The following PLS3 variants were observed in gnomAD, a reference collection of about 807,000 sequenced individuals.
PLS3 encodes plastin-3.
A neutral mutation model predicts 46.5 loss-of-function variants in PLS3; 11 were observed. The ratio of observed to expected loss-of-function variants is 0.24; its 90% CI spans 0.15 to 0.39. The LOEUF is 0.39. PLS3 is among the 10% of genes least tolerant of loss of function. The pLI is 1.00. For synonymous variants in PLS3, 167 were observed against 162.2 expected (o/e 1.03, Z -0.22); for missense variants, 308 against 461.8 (o/e 0.67, Z 3.05).
intron 2 of PLS3, among the ~76,000 whole-genome samples, chrX:115,612,125 T>A (rs1156563971): frequency 9.0e-6 from 1 of 111,644 alleles, no homozygotes; most frequent in Admixed American, 9.5e-5. Flanking sequence ...AGTAAATATT[T>A]CATTGATTGA....
intron 1 of PLS3, among the ~76,000 whole-genome samples, chrX:115,592,839 G>C (rs1556633317): frequency 9.0e-6 from 1 of 111,085 alleles, no homozygotes; most frequent in African/African-American, 3.3e-5. Flanking sequence ...AGAGTTTTAA[G>C]CAATTTGCAC....
chrX:115,591,983 C>T (rs1199873176), intron 1 of PLS3, among the ~76,000 whole-genome samples: 3 of 111,831 alleles, frequency 2.7e-5, no homozygotes, highest in Non-Finnish European at 5.6e-5. Flanking sequence ...TAAAGCACTT[C>T]CATGAAGGAG....
At chrX:115,577,537 C>A (rs1569526263) in intron 1 of PLS3, among the ~76,000 whole-genome samples, 1 of 110,313 alleles carries the variant, frequency 9.1e-6, no homozygotes, top group South Asian at 3.9e-4. Flanking sequence ...GAGAGTAGTC[C>A]CGTGATCTCG....
At chrX:115,643,057 G>A (rs2074913933) in intron 9 of PLS3, among the ~76,000 whole-genome samples, 1 of 111,356 alleles carries the variant, frequency 9.0e-6, no homozygotes. Flanking sequence ...AACCTTTTAC[G>A]TAACTTCTTT....
At chrX:115,620,683 CTTTTTTCTTTTTTTTTTCTTTTCTTTT>C (rs2074640450) in intron 2 of PLS3, among the ~76,000 whole-genome samples, 1 of 84,499 alleles carries the variant, frequency 1.2e-5, no homozygotes, top group Non-Finnish European at 2.4e-5. Context: ...ACCCCTTATG[CTTTTTTCTTTTTTTTTTCTTTTCTTTT>C]TTTTTTTTTT....
At chrX:115,627,157 T>C (rs1402653862) in intron 3 of PLS3, among the ~76,000 whole-genome samples, 1 of 111,745 alleles carries the variant, frequency 8.9e-6, no homozygotes, top group East Asian at 2.8e-4. Flanking sequence ...CAGCCTACTT[T>C]TCTAGTTCTA....
chrX:115,620,904 G>A (rs1383610225), intron 2 of PLS3, among the ~76,000 whole-genome samples: 1 of 109,058 alleles, frequency 9.2e-6, no homozygotes, highest in Non-Finnish European at 1.9e-5. Flanking sequence ...ATATGGGCCA[G>A]GCTGATCTCG....
intron 1 of PLS3, among the ~76,000 whole-genome samples, chrX:115,590,156 C>T (rs910398298): frequency 2.7e-5 from 3 of 111,504 alleles, no homozygotes; most frequent in Non-Finnish European, 1.9e-5. Context: ...GCGCCCAGCC[C>T]GGCCTGAACT....
intron 1 of PLS3, among the ~76,000 whole-genome samples, chrX:115,594,215 A>G (rs2074365914): frequency 8.9e-6 from 1 of 111,868 alleles, no homozygotes; most frequent in African/African-American, 3.2e-5. Context: ...CGTTATTGGT[A>G]CTTGGCAGCA....
chrX:115,575,646 T>C (rs1289184947), intron 1 of PLS3, among the ~76,000 whole-genome samples: 1 of 111,542 alleles, frequency 9.0e-6, no homozygotes, highest in Non-Finnish European at 1.9e-5. Context: ...GGTTTCACCG[T>C]GTTAGCCAGG....
chrX:115,571,285 A>C (rs1479259046), intron 1 of PLS3, among the ~76,000 whole-genome samples: 1 of 112,056 alleles, frequency 8.9e-6, no homozygotes, highest in Non-Finnish European at 1.9e-5. Flanking sequence ...TGGGAGGCCA[A>C]GGCGGGCAAA....
At chrX:115,629,788 A>G in intron 4 of PLS3, 47 bp from the exon 5 acceptor site, 2 of 844,174 alleles carry the variant, frequency 2.4e-6, no homozygotes, top group South Asian at 5.1e-5. Flanking sequence ...CAAATATTTA[A>G]TAAGTTAGAG....
At chrX:115,567,622 CA>C (rs200775900) in intron 1 of PLS3, among the ~76,000 whole-genome samples, 3 of 100,428 alleles carry the variant, frequency 3.0e-5, no homozygotes, top group Non-Finnish European at 4.1e-5. Flanking sequence ...AACAAACAAA[CA>C]AAAAAAAACA....
chrX:115,649,416 C>A lies in PLS3; in HGVS notation c.1761-13C>A, dbSNP rs201204092. ...CAAGAATTTCATCCTGATTTTGTTTCCCCCTAAAATAGGTATGCAGTGTCA... is the reference window on the plus strand; with the variant it reads ...CAAGAATTTCATCCTGATTTTGTTTACCCCTAAAATAGGTATGCAGTGTCA... On this transcript the variant is annotated splice_polypyrimidine_tract_variant and intron_variant, in intron 15 of 15. Transcript: ENST00000355899. 5 of 1,184,924 alleles carry A rather than the reference C, an allele frequency of 4.2e-6. No homozygotes were observed. In the East Asian group the frequency reaches 1.5e-4, roughly 35 times the overall value.
intron 1 of PLS3, among the ~76,000 whole-genome samples, chrX:115,594,485 G>T (rs782263079): frequency 4.1e-4 from 46 of 111,905 alleles, no homozygotes; most frequent in African/African-American, 1.4e-3. Context: ...ATATAACACT[G>T]CAAGAGGCAT....
At chrX:115,649,078 G>A (rs913203945) in intron 15 of PLS3, among the ~76,000 whole-genome samples, 2 of 111,602 alleles carry the variant, frequency 1.8e-5, no homozygotes, top group African/African-American at 6.5e-5. Context: ...GATGACTTGA[G>A]TGTGTGTTAT....
chrX:115,562,696 T>C (rs1166963732), intron 1 of PLS3: 1 of 111,644 alleles, frequency 9.0e-6, no homozygotes, highest in African/African-American at 3.3e-5. Flanking sequence ...TCATGGTGAA[T>C]TCCAACTAAG....
intron 1 of PLS3, among the ~76,000 whole-genome samples, chrX:115,602,976 G>A (rs2074459398): frequency 9.0e-6 from 1 of 111,472 alleles, no homozygotes; most frequent in Non-Finnish European, 1.9e-5. Context: ...AGATGAATAA[G>A]TAGATTATTC....
intron 1 of PLS3, among the ~76,000 whole-genome samples, chrX:115,578,586 G>A (rs377509103): frequency 4.7e-5 from 5 of 106,763 alleles, no homozygotes; most frequent in South Asian, 8.5e-4. Flanking sequence ...TTAGACTGGC[G>A]TGGTGGCGGG....
Sources: allele counts gnomAD v4.1 joint callset (sites outside exome capture counted in the v4.1 genomes callset), GRCh38; gene constraint gnomAD v4.1.1; transcripts MANE v1.5; gene names NCBI Gene and HGNC (gene_info 2026-07-23, HGNC 2026-07-21).